The following ANKRD16 variants were observed in gnomAD, a reference collection of about 807,000 sequenced individuals.
ANKRD16 encodes the protein ankyrin repeat domain 16, also known as ankyrin repeat domain-containing protein 16.
ANKRD16 carries 35 observed loss-of-function variants against 37.9 expected under a neutral mutation model. The observed-to-expected ratio is 0.92, with a 90% CI of 0.71 to 1.23. The LOEUF (loss-of-function observed/expected upper bound fraction) is 1.23. Among genes scored for constraint, ANKRD16 ranks in the 50% most tolerant of loss-of-function variants. The probability of loss-of-function intolerance (pLI) is 0.00; values close to 1 mark genes in which losing one functional copy is unlikely to be tolerated. For synonymous variants in ANKRD16, 206 were observed against 197.2 expected, an observed-to-expected ratio of 1.04 and a Z score of -0.37; for missense variants, 480 against 469.9, an observed-to-expected ratio of 1.02 and a Z score of -0.20.
chr10:5,863,089 G>A lies in ANKRD16; in HGVS notation c.*34-398C>T, dbSNP rs907597790. ...GCTATACAGCCAGTGATCCTGCCAC[G>A]TCCCTGACTCCATGGGCTTTCAACA... On this transcript the variant is annotated intron_variant, in intron 7 of 7. Coordinates refer to ENST00000380094, the MANE Select transcript of ANKRD16 (RefSeq NM_019046.3). This position sits in a 1 kb window ranked among gnomAD's most constrained non-coding sequence, Gnocchi z 4.7. Among the ~76,000 whole-genome samples, 9 of 152,052 alleles carry A rather than the reference G, an allele frequency of 5.9e-5. No homozygotes were observed. The highest frequency in any genetic ancestry group is 1.2e-4 in the Non-Finnish European group (8 of 68,028).
chr10:5,885,684 T>C (rs1842411989), intron 3 of ANKRD16, 39 bp downstream of exon 3: 2 of 1,610,512 alleles, frequency 1.2e-6, no homozygotes, highest in Middle Eastern at 1.6e-4. Flanking sequence ...TTTGTCATAG[T>C]TAGCAAATAT....
rs146632879 is a variant in ANKRD16, at chr10:5,864,877, G to A, written c.*34-2186C>T. 4.0e-3 allele frequency among the ~76,000 whole-genome samples: 608 copies of A among 152,280 alleles called. 4 individuals carry two copies. Among genetic ancestry groups the A allele is most frequent in the African/African-American group, 0.014 (580 of 41,542 alleles). Reference sequence around the variant, plus strand: ...CCTTCTGCCTTCCTCGAGCGGCTACGGGAGGCCTTAAGAAAATATACTCCC... The same window carrying A: ...CCTTCTGCCTTCCTCGAGCGGCTACAGGAGGCCTTAAGAAAATATACTCCC... On this transcript the variant is annotated intron_variant, in intron 7 of 7. Transcript: ENST00000380094. This position sits in a 1 kb window ranked among gnomAD's most constrained non-coding sequence, Gnocchi z 4.4.
At chr10:5,880,514 C>T (rs1842280563) in intron 5 of ANKRD16, 138 bp from the exon 6 acceptor site, 1 of 427,820 alleles carries the variant, frequency 2.3e-6, no homozygotes, top group East Asian at 3.8e-5. Context: ...AGAGACAGGT[C>T]TGTGTCTCTC....
chr10:5,871,359 C>A lies in ANKRD16; in HGVS notation c.*33+6738G>T, dbSNP rs987906767. 2.6e-5 allele frequency among the ~76,000 whole-genome samples: 4 copies of A among 151,628 alleles called. No individual in the cohort carries two copies. The highest frequency in any genetic ancestry group is 9.7e-5 in the African/African-American group (4 of 41,230). The stretch of plus-strand genomic sequence containing the variant: ...CCGAGATTGAGCCATTGCACTCTAG[C>A]CTGGGCGACAGAGCTAGACTCCAAC... On this transcript the variant is annotated intron_variant, in intron 7 of 7. Transcript: ENST00000380094. This position sits in a 1 kb window ranked among gnomAD's most constrained non-coding sequence, Gnocchi z 4.5.
In ANKRD16 at chr10:5,889,089, T is replaced by C. The variant is rs985071213; in HGVS notation, c.266A>G (p.Tyr89Cys). The C allele has an allele frequency of 8.2e-6, 13 of 1,582,238 alleles. No individual in the cohort carries two copies. The Admixed American group carries it at 1.8e-4, about 22-fold the overall frequency. Residue 89 changes from tyrosine (Y) to cysteine (C), a missense_variant, in exon 1 of 8, where the codon TAC (tyrosine) becomes TGC (cysteine). Physicochemically the swap from Tyr to Cys is radical, Grantham distance 194. Coordinates refer to ENST00000380094, the MANE Select transcript of ANKRD16 (RefSeq NM_019046.3). ...ASMGHRDCVR[Y>C]LLGRGAAVDC... Reference sequence around the variant, plus strand: ...GACCGCTGCCCCCCGGCCCAGCAGGTAGCGCACGCAGTCTCGGTGGCCCAT... The same window carrying C: ...GACCGCTGCCCCCCGGCCCAGCAGGCAGCGCACGCAGTCTCGGTGGCCCAT...
Position 5,884,172 on chromosome 10 carries a change from G to A in ANKRD16, c.579-95C>T. ...GATCACCTGCAGGTGAACTGCGTGT[G>A]TGCAAATGACCTGTGAGCATGGAGC... On this transcript the variant is annotated intron_variant, in intron 3 of 7. Coordinates refer to ENST00000380094, the MANE Select transcript of ANKRD16 (RefSeq NM_019046.3). 1.9e-5 allele frequency: 16 copies of A among 849,382 alleles called. No individual in the cohort carries two copies. The South Asian group carries it at 1.9e-4, about 10-fold the overall frequency. 52.6% of individuals were successfully genotyped at this position (849,382 alleles called of 1,614,324 possible).
At position 5,872,658 on chromosome 10, in the gene ANKRD16, G is replaced by A. The variant is rs560870391; in HGVS notation, c.*33+5439C>T. On this transcript the variant is annotated intron_variant, in intron 7 of 7. Coordinates refer to ENST00000380094, the MANE Select transcript of ANKRD16 (RefSeq NM_019046.3). ...TGCAAGCTCCACCTCCTGGATTCACGCCATACTCCTGCCTCAGCCTCTCGA... is the reference window on the plus strand; with the variant it reads ...TGCAAGCTCCACCTCCTGGATTCACACCATACTCCTGCCTCAGCCTCTCGA... Among the ~76,000 whole-genome samples the A allele has an allele frequency of 1.8e-3, 278 of 151,340 alleles. 2 individuals are homozygous for A. Among genetic ancestry groups the A allele is most frequent in the African/African-American group, 5.6e-3 (233 of 41,272 alleles).
At chr10:5,879,045 G>A (rs1842236153) in intron 6 of ANKRD16, among the ~76,000 whole-genome samples, 1 of 152,184 alleles carries the variant, frequency 6.6e-6, no homozygotes, top group Non-Finnish European at 1.5e-5. Flanking sequence ...TTCCTGGTGT[G>A]CTGAGTTCAG....
chr10:5,876,115 C>T (rs899725536), intron 7 of ANKRD16, among the ~76,000 whole-genome samples: 2 of 152,134 alleles, frequency 1.3e-5, no homozygotes, highest in African/African-American at 4.8e-5. Context: ...AACTCCTGAC[C>T]TCAGGTGATC....
rs1014574602 is a variant in ANKRD16, at chr10:5,868,691, T to C, written c.*34-6000A>G. 8.5e-5 allele frequency among the ~76,000 whole-genome samples: 13 copies of C among 152,260 alleles called. No individual in the cohort carries two copies. The highest frequency in any genetic ancestry group is 3.3e-4 in the Admixed American group (5 of 15,294). On this transcript the variant is annotated intron_variant, in intron 7 of 7. Transcript: ENST00000380094. This position sits in a 1 kb window ranked among gnomAD's most constrained non-coding sequence, Gnocchi z 4.9. ...TCCACGCTGTGGAAGCTTTGTTCTT[T>C]TGCTCTTCATAACAAATCTTGCTGC...
chr10:5,867,487 C>A (rs182033068), intron 7 of ANKRD16, among the ~76,000 whole-genome samples: 1 of 152,212 alleles, frequency 6.6e-6, no homozygotes, highest in Non-Finnish European at 1.5e-5. Flanking sequence ...CCATCTATAC[C>A]ATTTCTAAGA....
At chr10:5,882,713 T>G (rs547766167) in intron 5 of ANKRD16, 4 of 207,566 alleles carry the variant, frequency 1.9e-5, no homozygotes, top group Non-Finnish European at 3.9e-5. Flanking sequence ...TTTCATACAA[T>G]GGGTATTTAT....
chr10:5,876,381 G>A (rs56296494), intron 7 of ANKRD16, among the ~76,000 whole-genome samples: 5,202 of 152,270 alleles, frequency 0.034, 160 homozygotes, highest in East Asian at 0.14. Context: ...GATCGTGCAC[G>A]CAGCTGCTGC....
chr10:5,867,108 A>G (rs755524880), intron 7 of ANKRD16, among the ~76,000 whole-genome samples: 7 of 152,268 alleles, frequency 4.6e-5, no homozygotes, highest in Non-Finnish European at 7.3e-5. Context: ...CTGTTACCCT[A>G]TAACACTCCA....
chr10:5,889,076 C>T lies in ANKRD16; in HGVS notation c.279G>A (p.Arg93=), dbSNP rs777947492. 19 of 1,565,270 alleles carry T rather than the reference C, an allele frequency of 1.2e-5. No individual in the cohort carries two copies. In the South Asian group the frequency reaches 1.7e-4, roughly 14 times the overall value. Residue 93 remains arginine, a synonymous_variant, in exon 1 of 8, where the codon CGG becomes CGA. Coordinates refer to ENST00000380094, the MANE Select transcript of ANKRD16 (RefSeq NM_019046.3). ...TCTTCAGGCAGTCGACCGCTGCCCC[C>T]CGGCCCAGCAGGTAGCGCACGCAGT... ...HRDCVRYLLG[R]GAAVDCLKKA... is the part of the protein sequence containing the mutation.
At position 5,883,038 on chromosome 10, in the gene ANKRD16, T is replaced by C; in HGVS notation, c.817A>G (p.Thr273Ala). The C allele has an allele frequency of 6.2e-7, 1 of 1,613,964 alleles. No homozygotes were observed. Among genetic ancestry groups the C allele is most frequent in the Non-Finnish European group, 8.5e-7 (1 of 1,180,020 alleles). The change falls in exon 5 of 8, where the codon ACC becomes GCC. Residue 273 changes from threonine to alanine, a missense_variant. By Grantham distance (58) the Thr-to-Ala change is moderately conservative. Coordinates refer to ENST00000380094, the MANE Select transcript of ANKRD16 (RefSeq NM_019046.3). ...GVDVDVRATS[T>A]HLTALHYAAK... Reference sequence around the variant, plus strand: ...GCATAATGAAGTGCTGTGAGGTGGGTTGATGTGGCTCTCACATCTACATCG... The same window carrying C: ...GCATAATGAAGTGCTGTGAGGTGGGCTGATGTGGCTCTCACATCTACATCG...
intron 5 of ANKRD16, among the ~76,000 whole-genome samples, chr10:5,881,474 A>ATATATATATATG (rs1564417972): frequency 8.5e-5 from 8 of 94,268 alleles, no homozygotes; most frequent in Non-Finnish European, 1.3e-4. Flanking sequence ...ATATATATAT[A>ATATATATATATG]TATATATTTG....
chr10:5,876,611 T>G (rs1273767915), intron 7 of ANKRD16, among the ~76,000 whole-genome samples: 1 of 152,130 alleles, frequency 6.6e-6, no homozygotes, highest in African/African-American at 2.4e-5. Context: ...GACAGGAGTG[T>G]TTCTACCAGA....
chr10:5,888,517 G>T (rs1842494705), intron 1 of ANKRD16, among the ~76,000 whole-genome samples: 1 of 152,206 alleles, frequency 6.6e-6, no homozygotes, highest in African/African-American at 2.4e-5. Flanking sequence ...CAAACGAAAT[G>T]CAATTGGCTT....
Sources: gnomAD v4.1 joint callset for allele counts (sites outside exome capture counted in the v4.1 genomes callset) on GRCh38, gnomAD v4.1.1 for gene constraint, Gnocchi (gnomAD v3.1) non-coding constraint, MANE v1.5 for transcripts, NCBI Gene and HGNC (gene_info 2026-07-23, HGNC 2026-07-21) for gene names.